The following CSMD1 variants were observed in gnomAD, a reference collection of about 807,000 sequenced individuals.
The protein encoded by CSMD1 is CUB and Sushi multiple domains 1.
A neutral mutation model predicts 417.5 loss-of-function variants in CSMD1; 213 were observed. The ratio of observed to expected loss-of-function variants is 0.51; its 90% CI spans 0.46 to 0.57. The LOEUF (loss-of-function observed/expected upper bound fraction) is 0.57, where lower values mean the gene tolerates loss of function less well. Ranked by LOEUF, CSMD1 falls within the 20% of genes least tolerant of loss-of-function variation. CSMD1 has a pLI of 0.00. For missense variants in CSMD1, 6,923 were observed against 4,529.7 expected (o/e 1.53, Z -15.17); for synonymous variants, 2,862 against 1,736.8 (o/e 1.65, Z -16.11).
chr8:4,496,439 T>G (rs1178586247), intron 2 of CSMD1, among the ~76,000 whole-genome samples: 1 of 152,166 alleles, frequency 6.6e-6, no homozygotes, highest in Non-Finnish European at 1.5e-5. Context: ...CATAAAAGCC[T>G]GGACATTCTA....
intron 5 of CSMD1, among the ~76,000 whole-genome samples, chr8:3,958,912 T>C (rs975147897): frequency 6.6e-6 from 1 of 152,212 alleles, no homozygotes; most frequent in African/African-American, 2.4e-5. Context: ...AATTCTAATA[T>C]ACAATCATTT....
rs147879482 is a variant in CSMD1 at position 4,411,753 on chromosome 8, C to T, written c.415+8200G>A. 8.5e-5 allele frequency among the ~76,000 whole-genome samples: 13 copies of T among 152,216 alleles called. No homozygotes were observed. In the East Asian group the frequency reaches 1.7e-3, roughly 20 times the overall value. ...TTTGTACATATAGACGTTCACATAC[C>T]TATCCAAGTACTTTATCTTTTCACC... On this transcript the variant is annotated intron_variant, in intron 3 of 69. Transcript: ENST00000635120.
At chr8:3,172,998 T>C (rs1820678688) in intron 37 of CSMD1, among the ~76,000 whole-genome samples, 1 of 152,128 alleles carries the variant, frequency 6.6e-6, no homozygotes, top group African/African-American at 2.4e-5. Context: ...TCCCAAGAAG[T>C]GATTGTAGGA....
At chr8:3,774,941 G>C (rs1234666479) in intron 5 of CSMD1, among the ~76,000 whole-genome samples, 1 of 152,108 alleles carries the variant, frequency 6.6e-6, no homozygotes, top group Non-Finnish European at 1.5e-5. Flanking sequence ...TGACCAGCGA[G>C]ACGGGAAACA....
chr8:3,447,727 G>T (rs1815390210), intron 12 of CSMD1, among the ~76,000 whole-genome samples: 1 of 152,198 alleles, frequency 6.6e-6, no homozygotes, highest in South Asian at 2.1e-4. Flanking sequence ...TTGCAGGGAT[G>T]GACAGGTCAC....
intron 5 of CSMD1, among the ~76,000 whole-genome samples, chr8:3,831,962 G>A (rs1409438516): frequency 6.6e-6 from 1 of 152,094 alleles, no homozygotes; most frequent in African/African-American, 2.4e-5. Context: ...GAGTGTATTA[G>A]GTTTTGTACA....
At chr8:3,827,867 C>T (rs184296872) in intron 5 of CSMD1, among the ~76,000 whole-genome samples, 3 of 152,188 alleles carry the variant, frequency 2.0e-5, no homozygotes, top group African/African-American at 4.8e-5. Flanking sequence ...AAGAGCACTT[C>T]TGATGAAGTT....
At chr8:3,488,825 T>C (rs1818206232) in intron 11 of CSMD1, among the ~76,000 whole-genome samples, 1 of 152,194 alleles carries the variant, frequency 6.6e-6, no homozygotes, top group South Asian at 2.1e-4. Context: ...TGCCATTATG[T>C]GAAAGATAAT....
intron 1 of CSMD1, among the ~76,000 whole-genome samples, chr8:4,673,578 C>T (rs1051395509): frequency 6.6e-6 from 1 of 152,146 alleles, no homozygotes; most frequent in Middle Eastern, 3.2e-3. Context: ...CTACCTTGTG[C>T]TTGGGGGAAA....
At chr8:4,138,626 G>GCAA (rs1803585762) in intron 3 of CSMD1, among the ~76,000 whole-genome samples, 1 of 151,770 alleles carries the variant, frequency 6.6e-6, no homozygotes, top group Non-Finnish European at 1.5e-5. Flanking sequence ...TTAAACAAAG[G>GCAA]AAAAAACATC....
At chr8:3,724,483 A>G (rs926037049) in intron 6 of CSMD1, among the ~76,000 whole-genome samples, 2 of 152,182 alleles carry the variant, frequency 1.3e-5, no homozygotes, top group Non-Finnish European at 2.9e-5. Flanking sequence ...ATTGGTAGCT[A>G]TATAACCTTT....
intron 57 of CSMD1, 117 bp downstream of exon 57, chr8:2,973,000 T>C (rs1266949605): frequency 1.0e-6 from 1 of 980,028 alleles, no homozygotes; most frequent in East Asian, 2.7e-5. Context: ...GGGGAAAAGA[T>C]TTAATTGTAT....
chr8:3,839,394 A>G (rs1585072769), intron 5 of CSMD1, among the ~76,000 whole-genome samples: 1 of 62,876 alleles, frequency 1.6e-5, no homozygotes. Context: ...GTCTCCATAT[A>G]TATTTATATA....
In CSMD1 at chr8:4,298,071, C is replaced by G. The variant is rs11774472; in HGVS notation, c.415+121882G>C. 1.2e-3 allele frequency among the ~76,000 whole-genome samples: 181 copies of G among 152,194 alleles called. No homozygotes were observed. The Middle Eastern group carries it at 0.014, about 11-fold the overall frequency. On this transcript the variant is annotated intron_variant, in intron 3 of 69. Coordinates refer to ENST00000635120, the MANE Select transcript of CSMD1 (RefSeq NM_033225.6). Reference sequence around the variant, plus strand: ...CATCACTACCAGTACATGCTAGCGTCTCTCTGGTGAAAACCCAGGGTATAA... The same window carrying G: ...CATCACTACCAGTACATGCTAGCGTGTCTCTGGTGAAAACCCAGGGTATAA...
intron 10 of CSMD1, among the ~76,000 whole-genome samples, chr8:3,510,367 G>A (rs1379299379): frequency 6.6e-6 from 1 of 151,826 alleles, no homozygotes; most frequent in Non-Finnish European, 1.5e-5. Context: ...AGTAGAGAAA[G>A]CACATGGGTA....
intron 3 of CSMD1, among the ~76,000 whole-genome samples, chr8:4,312,735 G>C (rs190131787): frequency 2.6e-5 from 4 of 152,012 alleles, no homozygotes; most frequent in Admixed American, 2.6e-4. Context: ...TGAGCCAGGC[G>C]TGGTGGCAGA....
intron 5 of CSMD1, among the ~76,000 whole-genome samples, chr8:3,921,943 T>A (rs776697522): frequency 1.3e-5 from 2 of 152,190 alleles, no homozygotes; most frequent in Non-Finnish European, 2.9e-5. Context: ...TCTTATTGAT[T>A]TGATGTCTGG....
intron 8 of CSMD1, among the ~76,000 whole-genome samples, chr8:3,596,054 G>GT (rs140404319): frequency 0.19 from 28,683 of 151,992 alleles, 3,394 homozygotes; most frequent in East Asian, 0.31. Context: ...TTTCCACGTG[G>GT]GCTTAGGAAG....
intron 1 of CSMD1, among the ~76,000 whole-genome samples, chr8:4,708,629 C>G (rs1307350763): frequency 6.6e-6 from 1 of 151,756 alleles, no homozygotes; most frequent in African/African-American, 2.4e-5. Flanking sequence ...GGTTAAATTT[C>G]TAGTGTTTTC....
Sources: gnomAD v4.1 joint callset for allele counts (sites outside exome capture counted in the v4.1 genomes callset) on GRCh38, gnomAD v4.1.1 for gene constraint, MANE v1.5 for transcripts, NCBI Gene and HGNC (gene_info 2026-07-23, HGNC 2026-07-21) for gene names.